PDE4B: variants seen among roughly 807,000 people sequenced by gnomAD.
PDE4B encodes phosphodiesterase 4B.
Under a neutral mutation model 82.2 loss-of-function variants are expected in PDE4B, and 20 were observed. That is an observed-to-expected ratio of 0.24 (90% CI 0.17 to 0.35). PDE4B has a LOEUF of 0.35. Ranked by LOEUF, PDE4B falls within the 10% of genes least tolerant of loss-of-function variation. PDE4B has a pLI of 1.00. For missense variants in PDE4B, 655 were observed against 907.2 expected (o/e 0.72, Z 3.57); for synonymous variants, 320 against 318.9 (o/e 1.00, Z -0.04).
intron 9 of PDE4B, among the ~76,000 whole-genome samples, chr1:66,356,205 A>G (rs887222388): frequency 6.6e-6 from 1 of 152,234 alleles, no homozygotes; most frequent in African/African-American, 2.4e-5. Context: ...ATCTTCTGCA[A>G]GCAGCCTCGT....
intron 1 of PDE4B, among the ~76,000 whole-genome samples, chr1:65,868,314 G>A (rs186616413): frequency 3.3e-5 from 5 of 152,250 alleles, no homozygotes; most frequent in South Asian, 2.1e-4. Flanking sequence ...GAACCCATCC[G>A]TCCAGCAGGA....
intron 7 of PDE4B, among the ~76,000 whole-genome samples, chr1:66,284,232 A>T (rs1056751712): frequency 6.6e-6 from 1 of 152,138 alleles, no homozygotes; most frequent in Admixed American, 6.6e-5. Context: ...AAATTTATAA[A>T]TTGGATTTTA....
At chr1:66,129,809 T>C (rs903561591) in intron 3 of PDE4B, among the ~76,000 whole-genome samples, 4 of 152,152 alleles carry the variant, frequency 2.6e-5, no homozygotes, top group African/African-American at 9.7e-5. Flanking sequence ...CTTTAAAATA[T>C]GGGAACTATT....
intron 6 of PDE4B, among the ~76,000 whole-genome samples, 177 bp downstream of exon 6, chr1:66,258,040 C>A (rs915319897): frequency 6.6e-6 from 1 of 152,128 alleles, no homozygotes; most frequent in South Asian, 2.1e-4. Context: ...TCATACAACA[C>A]TATAAGTAAC....
chr1:66,275,454 A>C (rs766619670), intron 7 of PDE4B, among the ~76,000 whole-genome samples: 5 of 152,166 alleles, frequency 3.3e-5, no homozygotes, highest in African/African-American at 4.8e-5. Context: ...CACCCTCTCC[A>C]ATTACTGCTG....
intron 7 of PDE4B, among the ~76,000 whole-genome samples, chr1:66,320,138 A>C (rs1659298224): frequency 1.3e-5 from 2 of 152,010 alleles, no homozygotes; most frequent in Admixed American, 1.3e-4. Context: ...ACTTCCACCC[A>C]TTCTTCTTTA....
intron 8 of PDE4B, chr1:66,354,636 G>A (rs957311830): frequency 4.4e-6 from 6 of 1,378,054 alleles, no homozygotes; most frequent in Admixed American, 6.4e-5. Flanking sequence ...AATAAGCAGG[G>A]AGCATAGGCT....
chr1:66,262,261 T>A (rs1176810436), intron 6 of PDE4B, among the ~76,000 whole-genome samples: 1 of 152,212 alleles, frequency 6.6e-6, no homozygotes, highest in African/African-American at 2.4e-5. Flanking sequence ...TTTCCTCAGA[T>A]GAAGTGAAGC....
intron 3 of PDE4B, among the ~76,000 whole-genome samples, chr1:66,049,696 A>T (rs1654909882): frequency 1.3e-5 from 2 of 152,032 alleles, no homozygotes; most frequent in Non-Finnish European, 2.9e-5. Context: ...GCAGGAAATG[A>T]AGTGATATGC....
intron 7 of PDE4B, among the ~76,000 whole-genome samples, chr1:66,285,849 A>C (rs917207281): frequency 2.0e-5 from 3 of 152,182 alleles, no homozygotes; most frequent in African/African-American, 7.2e-5. Flanking sequence ...GGAAGAAAGA[A>C]CCAAAGGTGT....
intron 1 of PDE4B, among the ~76,000 whole-genome samples, chr1:65,905,757 C>T (rs1301738230): frequency 6.6e-6 from 1 of 152,066 alleles, no homozygotes; most frequent in Non-Finnish European, 1.5e-5. Flanking sequence ...TGGCTTCACT[C>T]ATTTTTTCAC....
At chr1:65,858,366 T>C (rs1392777797) in intron 1 of PDE4B, among the ~76,000 whole-genome samples, 2 of 152,338 alleles carry the variant, frequency 1.3e-5, no homozygotes, top group East Asian at 3.9e-4. Context: ...GTAGTTCTAA[T>C]ACTACCATTG....
intron 3 of PDE4B, among the ~76,000 whole-genome samples, chr1:66,062,345 C>T (rs911279040): frequency 6.6e-6 from 1 of 152,004 alleles, no homozygotes; most frequent in Non-Finnish European, 1.5e-5. Context: ...TCGTTAGCAT[C>T]ATGGAGGGTT....
At chr1:65,913,451 C>A (rs1182922131) in intron 2 of PDE4B, 95 bp downstream of exon 2, 2 of 1,167,732 alleles carry the variant, frequency 1.7e-6, no homozygotes, top group East Asian at 4.7e-5. Context: ...ATTTAACACA[C>A]CACTCTGTGA....
chr1:66,257,528 T>A (rs763156614), intron 4 of PDE4B, 119 bp from the exon 5 acceptor site: 5 of 1,013,540 alleles, frequency 4.9e-6, no homozygotes, highest in Admixed American at 3.5e-5. Flanking sequence ...TATATCCAGG[T>A]AGAAGAACTT....
chr1:66,320,800 GTGT>G (rs1659345941), intron 7 of PDE4B, among the ~76,000 whole-genome samples: 1 of 152,192 alleles, frequency 6.6e-6, no homozygotes, highest in Non-Finnish European at 1.5e-5. Flanking sequence ...TTTGCATATG[GTGT>G]TGTGAGATCT....
intron 3 of PDE4B, among the ~76,000 whole-genome samples, chr1:66,174,268 C>A (rs532033015): frequency 6.6e-6 from 1 of 152,090 alleles, no homozygotes; most frequent in Non-Finnish European, 1.5e-5. Flanking sequence ...AGGGGAAATC[C>A]TTGAGCAAAG....
At chr1:65,842,901 C>T (rs1275837038) in intron 1 of PDE4B, among the ~76,000 whole-genome samples, 1 of 152,102 alleles carries the variant, frequency 6.6e-6, no homozygotes, top group Admixed American at 6.6e-5. Flanking sequence ...TGGGTGGCGT[C>T]TAGGAGGATG....
Position 66,302,955 on chromosome 1 carries a change from ACC to A in PDE4B, c.635-29551_635-29550del, listed in dbSNP as rs1252478386. On this transcript the variant is annotated intron_variant, in intron 7 of 16. Coordinates refer to ENST00000341517, the MANE Select transcript of PDE4B (RefSeq NM_002600.4). ...CTTGGAAACCACTTCCTCTAAGAAG[ACC>A]CAAGACCTTGCTAGATGCCCATCCT... is the stretch of plus-strand genomic sequence containing the variant. Among the ~76,000 whole-genome samples, 3 of 152,178 alleles carry A rather than the reference ACC, an allele frequency of 2.0e-5. No homozygotes were observed. In the East Asian group the frequency reaches 5.8e-4, roughly 29 times the overall value.
Sources: gnomAD v4.1 joint callset for allele counts (sites outside exome capture counted in the v4.1 genomes callset) on GRCh38, gnomAD v4.1.1 for gene constraint, MANE v1.5 for transcripts, NCBI Gene and HGNC (gene_info 2026-07-23, HGNC 2026-07-21) for gene names.